The following ATP10D variants were observed in gnomAD, a reference collection of about 807,000 sequenced individuals.
ATP10D encodes the protein ATPase phospholipid transporting 10D (putative).
A neutral mutation model predicts 144.8 loss-of-function variants in ATP10D; 89 were observed. The observed-to-expected ratio is 0.61, with a 90% CI of 0.52 to 0.73. The LOEUF (loss-of-function observed/expected upper bound fraction) is 0.73, where lower values mean the gene tolerates loss of function less well. Among genes scored for constraint, ATP10D ranks in the 30% least tolerant of loss-of-function variants. The probability of loss-of-function intolerance (pLI) is 0.00; values close to 1 mark genes in which losing one functional copy is unlikely to be tolerated. For missense variants in ATP10D, 1,603 were observed against 1,714.8 expected (o/e 0.93, Z 1.15); for synonymous variants, 571 against 615.1 (o/e 0.93, Z 1.06).
intron 1 of ATP10D, among the ~76,000 whole-genome samples, chr4:47,502,267 C>A (rs1057502525): frequency 5.3e-5 from 8 of 152,030 alleles, no homozygotes; most frequent in African/African-American, 1.9e-4. Flanking sequence ...GAGGTCAGAT[C>A]GAGACCATCC....
At position 47,558,186 on chromosome 4, in the gene ATP10D, G is replaced by A; in HGVS notation, c.2347G>A (p.Val783Ile). The A allele has an allele frequency of 1.2e-6, 2 of 1,614,164 alleles. No homozygotes were observed. The highest frequency in any genetic ancestry group is 1.7e-5 in the Admixed American group (1 of 60,020). ...AGTAAGAAAAAGAATGTCTGTTGTG[G>A]TCCGACACCCTCTTTCCAATCAAGT... The part of the protein sequence containing the change: ...DSVRKRMSVV[V>I]RHPLSNQVVV... The change falls in exon 12 of 23, where the codon GTC (valine) becomes ATC (isoleucine). Residue 783 changes from valine to isoleucine, a missense_variant. Physicochemically the swap from Val to Ile is conservative, Grantham distance 29 (BLOSUM62 3). Transcript: ENST00000273859.
At chr4:47,552,610 G>C (rs1718783001) in intron 10 of ATP10D, among the ~76,000 whole-genome samples, 1 of 152,204 alleles carries the variant, frequency 6.6e-6, no homozygotes, top group African/African-American at 2.4e-5. Context: ...TAGGATTTCA[G>C]CATACAAATT....
intron 1 of ATP10D, among the ~76,000 whole-genome samples, chr4:47,492,101 G>A (rs1577602676): frequency 6.6e-6 from 1 of 152,178 alleles, no homozygotes; most frequent in African/African-American, 2.4e-5. Context: ...TATAGTAGGA[G>A]TGCCAAAAAT....
At chr4:47,500,914 T>C (rs540066855) in intron 1 of ATP10D, among the ~76,000 whole-genome samples, 7 of 152,308 alleles carry the variant, frequency 4.6e-5, no homozygotes, top group South Asian at 2.1e-4. Flanking sequence ...GGCGTGGAAA[T>C]GCAGTATGAT....
At chr4:47,588,071 C>T (rs188220359) in intron 22 of ATP10D, among the ~76,000 whole-genome samples, 2 of 152,212 alleles carry the variant, frequency 1.3e-5, no homozygotes, top group African/African-American at 2.4e-5. Context: ...GAAAGGGAGG[C>T]TGGGTGTTGA....
chr4:47,509,333 A>G (rs375633326), intron 1 of ATP10D, among the ~76,000 whole-genome samples: 1 of 152,204 alleles, frequency 6.6e-6, no homozygotes, highest in South Asian at 2.1e-4. Context: ...ACAAATACCT[A>G]TTTCTATAGG....
Position 47,512,489 on chromosome 4 carries a change from T to C in ATP10D, c.-37-15T>C, listed in dbSNP as rs562153830. On this transcript the variant is annotated splice_polypyrimidine_tract_variant and intron_variant, in intron 1 of 22. Transcript: ENST00000273859. The stretch of plus-strand genomic sequence containing the variant: ...TCAGAAGCTCATGGAAGTGTGGTTT[T>C]TGTTTGTTTGCCAGGTCAGCTACAC... The C allele has an allele frequency of 1.3e-6, 2 of 1,508,900 alleles. No individual in the cohort carries two copies. The highest frequency in any genetic ancestry group is 4.6e-5 in the East Asian group (2 of 43,918). The allele number at this position is 1,508,900 out of a possible 1,614,324, so 93.5% of individuals were successfully genotyped here. A position where few individuals can be genotyped will look rare whatever the true frequency, so the allele number is the denominator to read the frequency against.
chr4:47,536,900 G>A lies in ATP10D; in HGVS notation c.1358G>A (p.Cys453Tyr). ...GAGAATAAGATGGTTTTTCGAAGATGTAGTGTGGCAGGATTTGATTACTGC... is the reference window on the plus strand; with the variant it reads ...GAGAATAAGATGGTTTTTCGAAGATATAGTGTGGCAGGATTTGATTACTGC... ...LTENKMVFRR[C>Y]SVAGFDYCHE... Residue 453 changes from cysteine to tyrosine, a missense_variant, in exon 9 of 23, where the codon TGT (cysteine) becomes TAT (tyrosine). Physicochemically the swap from Cys to Tyr is radical, Grantham distance 194. Transcript: ENST00000273859. 6.2e-7 allele frequency: 1 copy of A among 1,612,714 alleles called. No homozygotes were observed. Among genetic ancestry groups the A allele is most frequent in the Non-Finnish European group, 8.5e-7 (1 of 1,179,468 alleles).
chr4:47,592,711 C>T lies in ATP10D; in HGVS notation c.*1330C>T, dbSNP rs1721101335. 1 of 152,482 alleles carries T rather than the reference C, an allele frequency of 6.6e-6. No individual in the cohort carries two copies. Among genetic ancestry groups the T allele is most frequent in the South Asian group, 2.1e-4 (1 of 4,824 alleles). The allele number at this position is 152,482 out of a possible 1,614,324, so 9.4% of individuals were successfully genotyped here. Reference sequence around the variant, plus strand: ...ATTATTCTCAGGGTTTAGTTTTCTACCTTCTGCCTACTATTTTGGTCTGAC... The same window carrying T: ...ATTATTCTCAGGGTTTAGTTTTCTATCTTCTGCCTACTATTTTGGTCTGAC... On this transcript the variant is annotated 3_prime_UTR_variant, in exon 23 of 23. Coordinates refer to ENST00000273859, the MANE Select transcript of ATP10D (RefSeq NM_020453.4).
intron 1 of ATP10D, among the ~76,000 whole-genome samples, chr4:47,502,309 A>G (rs1231777232): frequency 1.3e-5 from 2 of 152,104 alleles, no homozygotes; most frequent in Non-Finnish European, 2.9e-5. Context: ...GTCTCTACTA[A>G]AAATGCAAGA....
At chr4:47,486,240 G>A (rs1354464703) in intron 1 of ATP10D, among the ~76,000 whole-genome samples, 2 of 152,202 alleles carry the variant, frequency 1.3e-5, no homozygotes, top group Non-Finnish European at 2.9e-5. Context: ...TTAGGGAATG[G>A]ATGGTTATTT....
At chr4:47,535,788 A>G in intron 6 of ATP10D, 114 bp from the exon 7 acceptor site, 1 of 1,367,946 alleles carries the variant, frequency 7.3e-7, no homozygotes, top group Non-Finnish European at 9.8e-7. Context: ...AACTGACAAA[A>G]TAGATCATGT....
At chr4:47,555,991 C>A (rs545779178) in intron 11 of ATP10D, among the ~76,000 whole-genome samples, 1 of 152,150 alleles carries the variant, frequency 6.6e-6, no homozygotes, top group Admixed American at 6.5e-5. Context: ...TGACCTCAGG[C>A]GATCCACCTG....
At chr4:47,572,377 T>C (rs1719998096) in intron 17 of ATP10D, 147 bp downstream of exon 17, 1 of 621,058 alleles carries the variant, frequency 1.6e-6, no homozygotes, top group Non-Finnish European at 2.7e-6. Context: ...ATCTATTCAT[T>C]GATTTTTTTT....
intron 18 of ATP10D, among the ~76,000 whole-genome samples, chr4:47,575,429 G>C (rs577564473): frequency 1.1e-4 from 17 of 152,172 alleles, no homozygotes; most frequent in Non-Finnish European, 2.4e-4. Context: ...GTTTTCCTGA[G>C]AGTGTCCCGG....
chr4:47,527,475 T>C (rs1717307626), intron 5 of ATP10D, among the ~76,000 whole-genome samples: 1 of 152,118 alleles, frequency 6.6e-6, no homozygotes, highest in Non-Finnish European at 1.5e-5. Flanking sequence ...ATTTTGCTCC[T>C]CCAATGATAC....
rs1224108894 is a variant in ATP10D at position 47,523,120 on chromosome 4, C to T, written c.594C>T (p.Ser198=). 1.2e-6 allele frequency: 2 copies of T among 1,614,006 alleles called. No homozygotes were observed. The highest frequency in any genetic ancestry group is 3.3e-5 in the Admixed American group (2 of 60,024). The part of the protein sequence containing the change: ...VIPADMVLLF[S]TDPDGICHIE... Reference sequence around the variant, plus strand: ...CTGCAGACATGGTACTACTCTTTTCCACTGATCCAGATGGAATCTGTCACA... The same window carrying T: ...CTGCAGACATGGTACTACTCTTTTCTACTGATCCAGATGGAATCTGTCACA... Residue 198 remains serine, a synonymous_variant, in exon 4 of 23, where the codon TCC becomes TCT. Coordinates refer to ENST00000273859, the MANE Select transcript of ATP10D (RefSeq NM_020453.4).
chr4:47,539,204 A>G (rs915896460), intron 9 of ATP10D, among the ~76,000 whole-genome samples: 13 of 152,196 alleles, frequency 8.5e-5, no homozygotes, highest in African/African-American at 3.1e-4. Context: ...TGTTGAGCTC[A>G]GACAACCCAT....
At position 47,535,527 on chromosome 4, in the gene ATP10D, A is replaced by T; in HGVS notation, c.795A>T (p.Glu265Asp). Residue 265 changes from glutamate to aspartate, a missense_variant, in exon 6 of 23, where the codon GAA (glutamate) becomes GAT (aspartate). Transcript: ENST00000273859. ...CTTATAGAGAACATTCCAACAAAGA[A>T]CGCGTGGGTCTCAGTAAAGAAAATT... is the stretch of plus-strand genomic sequence containing the variant. ...FRGFLEHSNK[E>D]RVGLSKENLL... 2 of 1,611,792 alleles carry T rather than the reference A, an allele frequency of 1.2e-6. No homozygotes were observed. The highest frequency in any genetic ancestry group is 2.2e-5 in the South Asian group (2 of 90,584).
Sources: allele counts gnomAD v4.1 joint callset (sites outside exome capture counted in the v4.1 genomes callset), GRCh38; gene constraint gnomAD v4.1.1; transcripts MANE v1.5; gene names NCBI Gene and HGNC (gene_info 2026-07-23, HGNC 2026-07-21).